TXNRD2: variants seen among roughly 807,000 people sequenced by gnomAD.
The protein encoded by TXNRD2 is thioredoxin reductase 2, mitochondrial.
In TXNRD2, 67 loss-of-function variants were observed where a neutral mutation model predicts 70.8. That is an observed-to-expected ratio of 0.95 (90% CI 0.78 to 1.16). The LOEUF (loss-of-function observed/expected upper bound fraction) is 1.16. TXNRD2 is among the 50% of genes most tolerant of loss of function. The pLI, the probability that TXNRD2 is intolerant of heterozygous loss-of-function variation, is 0.00. For synonymous variants in TXNRD2, 301 were observed against 295.8 expected (o/e 1.02, Z -0.18); for missense variants, 644 against 719.9 (o/e 0.89, Z 1.21).
chr22:19,924,651 A>C (rs1056265529), intron 2 of TXNRD2, among the ~76,000 whole-genome samples: 1 of 152,200 alleles, frequency 6.6e-6, no homozygotes, highest in African/African-American at 2.4e-5. Flanking sequence ...ACTGGACGGG[A>C]TTAATGGCAG....
intron 1 of TXNRD2, among the ~76,000 whole-genome samples, chr22:19,937,438 A>C (rs989287002): frequency 6.6e-6 from 1 of 152,224 alleles, no homozygotes; most frequent in African/African-American, 2.4e-5. Context: ...TCTGATGAGC[A>C]CACTCAAGGT....
rs2146120385 is a variant in TXNRD2, at chr22:19,941,783, C to T, written c.21G>A (p.Ala7=). The T allele has an allele frequency of 6.5e-7, 1 of 1,528,628 alleles. No individual in the cohort carries two copies. The highest frequency in any genetic ancestry group is 8.7e-7 in the Non-Finnish European group (1 of 1,148,114). The allele number at this position is 1,528,628 out of a possible 1,614,324, so 94.7% of individuals were successfully genotyped here. A position where few individuals can be genotyped will look rare whatever the true frequency, so the allele number is the denominator to read the frequency against. Residue 7 remains alanine (A), a synonymous_variant, in exon 1 of 18, where the codon GCG becomes GCA. Transcript: ENST00000400521. MAAMAV[A]LRGLGGRFRW... The stretch of plus-strand genomic sequence containing the variant: ...GGAAGCGCCCTCCTAATCCCCGCAG[C>T]GCCACCGCCATTGCCGCCATCGTCG...
intron 5 of TXNRD2, 84 bp from the exon 6 acceptor site, chr22:19,915,927 G>T: frequency 7.9e-7 from 1 of 1,267,310 alleles, no homozygotes; most frequent in Non-Finnish European, 1.1e-6. Flanking sequence ...ACTGGTAAAA[G>T]GGAGCTCCAG....
intron 1 of TXNRD2, among the ~76,000 whole-genome samples, chr22:19,934,382 G>GAAA (rs35669821): frequency 0.011 from 1,040 of 93,730 alleles, 21 homozygotes; most frequent in Middle Eastern, 0.028. Flanking sequence ...CTCTGTCTCA[G>GAAA]AAAAAAAAAA....
intron 5 of TXNRD2, among the ~76,000 whole-genome samples, chr22:19,917,764 C>T (rs934365593): frequency 4.1e-4 from 63 of 152,276 alleles, no homozygotes; most frequent in African/African-American, 1.4e-3. Context: ...AGGGGGTTCA[C>T]GGGGTGGGGG....
chr22:19,918,285 CT>C, intron 4 of TXNRD2, 68 bp from the exon 5 acceptor site: 1 of 1,298,514 alleles, frequency 7.7e-7, no homozygotes, highest in East Asian at 2.3e-5. Flanking sequence ...TCACGATGGA[CT>C]ATTAGATTCA....
chr22:19,936,854 T>C (rs1314427444), intron 1 of TXNRD2, among the ~76,000 whole-genome samples: 7 of 152,218 alleles, frequency 4.6e-5, no homozygotes, highest in Non-Finnish European at 1.0e-4. Flanking sequence ...CTTGAAACTT[T>C]CATGCAATGC....
intron 11 of TXNRD2, among the ~76,000 whole-genome samples, chr22:19,888,125 C>T (rs1321079187): frequency 1.3e-5 from 2 of 152,244 alleles, no homozygotes; most frequent in African/African-American, 4.8e-5. Flanking sequence ...AGCATCTCTG[C>T]AGCCCGGAGC....
At chr22:19,878,933 C>T (rs1024855090) in intron 14 of TXNRD2, among the ~76,000 whole-genome samples, 2 of 152,318 alleles carry the variant, frequency 1.3e-5, no homozygotes, top group East Asian at 1.9e-4. Context: ...CTGAAGGGCT[C>T]GACAGCGTGT....
intron 2 of TXNRD2, among the ~76,000 whole-genome samples, chr22:19,921,088 C>T (rs1411443312): frequency 7.4e-6 from 1 of 135,238 alleles, no homozygotes; most frequent in Non-Finnish European, 1.5e-5. Context: ...GACTGGGTGA[C>T]AGAGCGAGAC....
intron 8 of TXNRD2, among the ~76,000 whole-genome samples, chr22:19,904,580 G>A (rs1939922701): frequency 6.6e-6 from 1 of 152,236 alleles, no homozygotes; most frequent in Non-Finnish European, 1.5e-5. Context: ...CCACTCGCCA[G>A]ATCTGGAGCT....
At chr22:19,922,256 T>C (rs932396471) in intron 2 of TXNRD2, among the ~76,000 whole-genome samples, 4 of 152,182 alleles carry the variant, frequency 2.6e-5, no homozygotes, top group Admixed American at 6.5e-5. Context: ...AACTATTCCA[T>C]ACTTTTTTAT....
At chr22:19,902,833 CTTAAA>C (rs1280363341) in intron 8 of TXNRD2, 1 of 426,808 alleles carries the variant, frequency 2.3e-6, no homozygotes, top group Admixed American at 2.6e-5. Context: ...GAATGTGCCA[CTTAAA>C]TTAAATTTTC....
chr22:19,885,065 C>G lies in TXNRD2; in HGVS notation c.950-1604G>C, dbSNP rs146579873. ...GGGGGTCAGCACAGCTGCCCCCTGCCAGTCTCCACACAGCCTGGGGCCCGG... is the reference window on the plus strand; with the variant it reads ...GGGGGTCAGCACAGCTGCCCCCTGCGAGTCTCCACACAGCCTGGGGCCCGG... On this transcript the variant is annotated intron_variant, in intron 11 of 17. Coordinates refer to ENST00000400521, the MANE Select transcript of TXNRD2 (RefSeq NM_006440.5). Among the ~76,000 whole-genome samples the G allele has an allele frequency of 2.4e-3, 360 of 152,276 alleles. 2 individuals are homozygous for G. Among genetic ancestry groups the G allele is most frequent in the African/African-American group, 8.3e-3 (346 of 41,556 alleles).
chr22:19,890,604 C>T (rs1466967667), intron 11 of TXNRD2, among the ~76,000 whole-genome samples: 2 of 152,184 alleles, frequency 1.3e-5, no homozygotes, highest in Non-Finnish European at 2.9e-5. Flanking sequence ...CCCACCGCGG[C>T]CCCTAAGCCC....
rs996332204 is a variant in TXNRD2 at position 19,886,737 on chromosome 22, C to T, written c.950-3276G>A. Among the ~76,000 whole-genome samples the T allele has an allele frequency of 1.3e-4, 20 of 152,258 alleles. 1 individual carries two copies. Among genetic ancestry groups the T allele is most frequent in the Admixed American group, 1.3e-3 (20 of 15,292 alleles). ...GCCCACTGCAGGCCTCCCCATGGGG[C>T]GGCTCTGTGCTCCCTGCAGCTCCGT... is the stretch of plus-strand genomic sequence containing the variant. On this transcript the variant is annotated intron_variant, in intron 11 of 17. Transcript: ENST00000400521.
intron 1 of TXNRD2, among the ~76,000 whole-genome samples, chr22:19,935,339 G>GA (rs1569116125): frequency 6.6e-6 from 1 of 152,116 alleles, no homozygotes; most frequent in Non-Finnish European, 1.5e-5. Context: ...TTAGGGTGGG[G>GA]AAAAAACTCC....
Position 19,883,351 on chromosome 22 carries a change from T to C in TXNRD2, c.1060A>G (p.Ile354Val). Residue 354 changes from isoleucine to valine, a missense_variant, in exon 12 of 18, where the codon ATC (isoleucine) becomes GTC (valine). Physicochemically the swap from Ile to Val is conservative, Grantham distance 29 (BLOSUM62 3). Around this residue, in one of 3 missense-constraint regions of TXNRD2, gnomAD observed 566 missense variants for 645.0 expected, o/e 0.88. Coordinates refer to ENST00000400521, the MANE Select transcript of TXNRD2 (RefSeq NM_006440.5). ...DSREATSVPH[I>V]YAIGDVVEGR... ...TCCACCACGTCACCAATGGCGTAGA[T>C]GTGGGGCACAGAGGTGGCTTCCCGG... 2 of 1,613,968 alleles carry C rather than the reference T, an allele frequency of 1.2e-6. No individual in the cohort carries two copies. Among genetic ancestry groups the C allele is most frequent in the Non-Finnish European group, 1.7e-6 (2 of 1,180,026 alleles).
chr22:19,909,885 A>ACACACACCCTACTCACACACACACCC (rs1569093933), intron 8 of TXNRD2, among the ~76,000 whole-genome samples: 1 of 43,846 alleles, frequency 2.3e-5, no homozygotes, highest in Non-Finnish European at 4.7e-5. Context: ...CACACACACC[A>ACACACACCCTACTCACACACACACCC]CTCACACACA....
Sources: gnomAD v4.1 joint callset for allele counts (sites outside exome capture counted in the v4.1 genomes callset) on GRCh38, gnomAD v4.1.1 for gene constraint, gnomAD v4.1.1 regional missense constraint, MANE v1.5 for transcripts, NCBI Gene and HGNC (gene_info 2026-07-23, HGNC 2026-07-21) for gene names.